Variants in RAPGEF6 observed in about 807,000 individuals in gnomAD.
The protein encoded by RAPGEF6 is PDZ domain containing guanine nucleotide exchange factor (GEF) 2.
RAPGEF6 carries 56 observed loss-of-function variants against 171.4 expected under a neutral mutation model. The observed-to-expected ratio is 0.33, with a 90% CI of 0.26 to 0.41. RAPGEF6 has a LOEUF of 0.41. Ranked by LOEUF, RAPGEF6 falls within the 10% of genes least tolerant of loss-of-function variation. RAPGEF6 has a pLI of 1.00. For missense variants in RAPGEF6, 1,674 were observed against 1,921.4 expected (o/e 0.87, Z 2.41); for synonymous variants, 692 against 650.1 (o/e 1.06, Z -0.98).
Position 131,484,233 on chromosome 5 carries a change from T to C in RAPGEF6, c.1841-4480A>G, listed in dbSNP as rs557776986. On this transcript the variant is annotated intron_variant, in intron 15 of 27. Coordinates refer to ENST00000509018, the MANE Select transcript of RAPGEF6 (RefSeq NM_016340.6). ...ACCCACTGCAGAGGCTTTTTTTTTTTTTTTTTTTTTTTGAGACAGAGTCTT... is the reference window on the plus strand; with the variant it reads ...ACCCACTGCAGAGGCTTTTTTTTTTCTTTTTTTTTTTTGAGACAGAGTCTT... Among the ~76,000 whole-genome samples the C allele has an allele frequency of 6.1e-4, 80 of 131,280 alleles. 2 individuals carry two copies. The highest frequency in any genetic ancestry group is 1.0e-3 in the Non-Finnish European group (63 of 60,200). 86.1% of individuals were successfully genotyped at this position (131,280 alleles called of 152,430 possible). A position where few individuals can be genotyped will look rare whatever the true frequency, so the allele number is the denominator to read the frequency against.
intron 4 of RAPGEF6, among the ~76,000 whole-genome samples, chr5:131,573,958 C>A (rs1165031820): frequency 1.3e-5 from 2 of 152,160 alleles, no homozygotes; most frequent in Non-Finnish European, 2.9e-5. Context: ...TAAACAATCT[C>A]ACCTTCAAGG....
chr5:131,586,900 A>G (rs904837197), intron 4 of RAPGEF6, among the ~76,000 whole-genome samples: 28 of 152,278 alleles, frequency 1.8e-4, no homozygotes, highest in Non-Finnish European at 2.9e-5. Context: ...AGTCAAGTGT[A>G]AAGGGGTTCC....
intron 20 of RAPGEF6, among the ~76,000 whole-genome samples, chr5:131,454,344 A>G (rs1014391548): frequency 6.6e-6 from 1 of 152,230 alleles, no homozygotes; most frequent in African/African-American, 2.4e-5. Context: ...ACATCATTCA[A>G]AAAGCGAGAT....
intron 3 of RAPGEF6, among the ~76,000 whole-genome samples, chr5:131,600,046 G>A (rs954437992): frequency 3.9e-5 from 6 of 151,968 alleles, no homozygotes; most frequent in African/African-American, 9.7e-5. Context: ...GAACTTTCCC[G>A]CATTTTTTTT....
chr5:131,537,257 G>A (rs1315920635), intron 6 of RAPGEF6, among the ~76,000 whole-genome samples: 1 of 152,050 alleles, frequency 6.6e-6, no homozygotes, highest in African/African-American at 2.4e-5. Flanking sequence ...TGGTTCCCTG[G>A]GCAAATCTGT....
chr5:131,530,463 T>C (rs982220118), intron 6 of RAPGEF6, among the ~76,000 whole-genome samples: 10 of 152,274 alleles, frequency 6.6e-5, no homozygotes, highest in South Asian at 2.1e-4. Context: ...TGCAAGTACA[T>C]AGTAGCATAG....
intron 6 of RAPGEF6, among the ~76,000 whole-genome samples, chr5:131,543,498 A>C (rs1041689640): frequency 6.6e-6 from 1 of 152,226 alleles, no homozygotes; most frequent in African/African-American, 2.4e-5. Flanking sequence ...TGGGCAAATT[A>C]AGTGAAAAGC....
chr5:131,618,493 C>A (rs953210600), intron 1 of RAPGEF6, among the ~76,000 whole-genome samples: 2 of 151,916 alleles, frequency 1.3e-5, no homozygotes, highest in African/African-American at 4.8e-5. Flanking sequence ...CAAAAATTAG[C>A]CGGGTGTGAT....
At chr5:131,619,389 G>A (rs1313564441) in intron 1 of RAPGEF6, among the ~76,000 whole-genome samples, 2 of 152,008 alleles carry the variant, frequency 1.3e-5, no homozygotes, top group Non-Finnish European at 2.9e-5. Flanking sequence ...TGATGGGTAC[G>A]GCAAACCACC....
intron 1 of RAPGEF6, among the ~76,000 whole-genome samples, chr5:131,629,330 TG>T (rs1766146240): frequency 6.7e-6 from 1 of 149,950 alleles, no homozygotes; most frequent in Non-Finnish European, 1.5e-5. Context: ...AAAAAAAAAT[TG>T]TGAAGCATGG....
chr5:131,632,194 A>G (rs79745566), intron 1 of RAPGEF6, among the ~76,000 whole-genome samples: 4,449 of 150,146 alleles, frequency 0.03, 90 homozygotes, highest in Non-Finnish European at 0.046. Flanking sequence ...ATGCATCATT[A>G]TCTCCACTCC....
intron 3 of RAPGEF6, among the ~76,000 whole-genome samples, chr5:131,600,399 GT>G (rs1389868538): frequency 6.6e-6 from 1 of 152,136 alleles, no homozygotes; most frequent in Non-Finnish European, 1.5e-5. Context: ...GCACGCGCCT[GT>G]AGTCTCAGCT....
Position 131,625,648 on chromosome 5 carries a change from T to C in RAPGEF6, c.69+9314A>G, listed in dbSNP as rs186966772. ...GGCTAACATGGTGAAACCCCGTCTCTACTAAAAATACAAAAAAATTAGCCA... is the reference window on the plus strand; with the variant it reads ...GGCTAACATGGTGAAACCCCGTCTCCACTAAAAATACAAAAAAATTAGCCA... On this transcript the variant is annotated intron_variant, in intron 1 of 27. Coordinates refer to ENST00000509018, the MANE Select transcript of RAPGEF6 (RefSeq NM_016340.6). 3.2e-3 allele frequency among the ~76,000 whole-genome samples: 485 copies of C among 152,176 alleles called. 3 individuals carry two copies. Among genetic ancestry groups the C allele is most frequent in the African/African-American group, 0.011 (462 of 41,520 alleles).
chr5:131,499,233 A>C (rs1049651298), intron 11 of RAPGEF6, among the ~76,000 whole-genome samples: 5 of 152,162 alleles, frequency 3.3e-5, no homozygotes, highest in African/African-American at 1.2e-4. Context: ...AGTTCTACAG[A>C]CAGTTTTGAA....
intron 17 of RAPGEF6, chr5:131,469,702 A>T: frequency 1.1e-6 from 1 of 873,930 alleles, no homozygotes; most frequent in Non-Finnish European, 1.7e-6. Context: ...AGTTGTGCTT[A>T]CTACTTCATT....
intron 2 of RAPGEF6, 65 bp from the exon 3 acceptor site, chr5:131,603,392 C>T: frequency 9.5e-7 from 1 of 1,049,288 alleles, no homozygotes; most frequent in South Asian, 1.6e-5. Context: ...ATAATTTGAC[C>T]TCAACTAATT....
chr5:131,511,481 C>CCT (rs1757719270), intron 7 of RAPGEF6, among the ~76,000 whole-genome samples: 1 of 137,328 alleles, frequency 7.3e-6, no homozygotes, highest in Non-Finnish European at 1.5e-5. Flanking sequence ...AAAAGATCAT[C>CCT]TTTTTTTTTT....
At chr5:131,521,369 T>A in intron 7 of RAPGEF6, 21 bp downstream of exon 7, 1 of 1,575,900 alleles carries the variant, frequency 6.3e-7, no homozygotes, top group East Asian at 2.3e-5. Flanking sequence ...ATACGCAGCA[T>A]ACAAATTCCT....
intron 19 of RAPGEF6, among the ~76,000 whole-genome samples, chr5:131,458,370 C>T (rs943302987): frequency 6.6e-6 from 1 of 152,164 alleles, no homozygotes; most frequent in African/African-American, 2.4e-5. Context: ...GCCATGTTTG[C>T]CCTTCGCCTT....
Sources: allele counts gnomAD v4.1 joint callset (sites outside exome capture counted in the v4.1 genomes callset), GRCh38; gene constraint gnomAD v4.1.1; transcripts MANE v1.5; gene names NCBI Gene and HGNC (gene_info 2026-07-23, HGNC 2026-07-21).